The following FBXL7 variants were observed in gnomAD, a reference collection of about 807,000 sequenced individuals.
The protein encoded by FBXL7 is F-box/LRR-repeat protein 7.
FBXL7 carries 12 observed loss-of-function variants against 38.3 expected under a neutral mutation model. That is an observed-to-expected ratio of 0.31 (90% CI 0.20 to 0.51). The LOEUF is 0.51. Among genes scored for constraint, FBXL7 ranks in the 20% least tolerant of loss-of-function variants. The pLI is 0.98. For missense variants in FBXL7, 567 were observed against 676.4 expected, an observed-to-expected ratio of 0.84 and a Z score of 1.79; for synonymous variants, 297 against 300.9, an observed-to-expected ratio of 0.99 and a Z score of 0.13.
intron 2 of FBXL7, among the ~76,000 whole-genome samples, chr5:15,716,047 T>G (rs993644272): frequency 6.6e-6 from 1 of 152,234 alleles, no homozygotes; most frequent in African/African-American, 2.4e-5. Context: ...TAAAGCTGTG[T>G]CAGTGTTTTT....
At chr5:15,881,208 C>T (rs192641266) in intron 2 of FBXL7, among the ~76,000 whole-genome samples, 7 of 152,172 alleles carry the variant, frequency 4.6e-5, no homozygotes, top group African/African-American at 1.2e-4. Context: ...CTCCAAAGTT[C>T]ATTGTATCAT....
At chr5:15,539,734 C>T (rs1401746746) in intron 1 of FBXL7, among the ~76,000 whole-genome samples, 4 of 151,110 alleles carry the variant, frequency 2.6e-5, no homozygotes, top group African/African-American at 4.9e-5. Flanking sequence ...CTTTTTTTTT[C>T]CCCCTAATTA....
At chr5:15,562,650 A>G (rs1024657793) in intron 1 of FBXL7, among the ~76,000 whole-genome samples, 3 of 151,102 alleles carry the variant, frequency 2.0e-5, no homozygotes, top group South Asian at 2.1e-4. Flanking sequence ...TTCCCTCCCT[A>G]TATCTCTCTC....
intron 2 of FBXL7, among the ~76,000 whole-genome samples, chr5:15,700,373 C>T (rs1743484007): frequency 2.0e-5 from 3 of 152,166 alleles, no homozygotes; most frequent in South Asian, 4.1e-4. Flanking sequence ...ATAATACGTA[C>T]GTTGTTAATC....
chr5:15,869,333 T>G (rs546916967), intron 2 of FBXL7, among the ~76,000 whole-genome samples: 27 of 152,272 alleles, frequency 1.8e-4, no homozygotes, highest in Admixed American at 7.2e-4. Context: ...TGTCAGAAGC[T>G]GCCTACCACA....
At chr5:15,817,029 G>T (rs1218180711) in intron 2 of FBXL7, among the ~76,000 whole-genome samples, 1 of 152,188 alleles carries the variant, frequency 6.6e-6, no homozygotes, top group Non-Finnish European at 1.5e-5. Context: ...TGAGGGAATG[G>T]TAAGTTTGTG....
chr5:15,919,719 ATTGT>A (rs898310264), intron 2 of FBXL7, among the ~76,000 whole-genome samples: 1 of 152,198 alleles, frequency 6.6e-6, no homozygotes, highest in African/African-American at 2.4e-5. Context: ...CACTAAGAAT[ATTGT>A]TTAATTCAAA....
intron 2 of FBXL7, among the ~76,000 whole-genome samples, chr5:15,814,309 C>T (rs1046391701): frequency 5.9e-5 from 9 of 152,050 alleles, no homozygotes; most frequent in Admixed American, 3.9e-4. Context: ...CCATCATTCT[C>T]GGCAAACTGA....
intron 1 of FBXL7, among the ~76,000 whole-genome samples, chr5:15,601,078 C>CTGAA (rs1348804254): frequency 6.6e-6 from 1 of 152,160 alleles, no homozygotes; most frequent in Non-Finnish European, 1.5e-5. Context: ...ACATGGGATG[C>CTGAA]TGAATGAATG....
chr5:15,501,345 G>C, intron 1 of FBXL7: 1 of 865,144 alleles, frequency 1.2e-6, no homozygotes, highest in African/African-American at 1.8e-5. Flanking sequence ...GAACTTGGAA[G>C]TTAGGGAAAC....
intron 1 of FBXL7, among the ~76,000 whole-genome samples, chr5:15,541,424 A>C (rs952532627): frequency 1.8e-5 from 2 of 111,744 alleles, no homozygotes; most frequent in Non-Finnish European, 3.5e-5. Flanking sequence ...ATATACATAT[A>C]GTATATATGT....
At chr5:15,688,573 G>A (rs770110592) in intron 2 of FBXL7, among the ~76,000 whole-genome samples, 1 of 152,096 alleles carries the variant, frequency 6.6e-6, no homozygotes, top group Non-Finnish European at 1.5e-5. Flanking sequence ...CCACTCCATG[G>A]TCGCCTCCAG....
chr5:15,566,030 C>T (rs1262238953), intron 1 of FBXL7, among the ~76,000 whole-genome samples: 3 of 151,884 alleles, frequency 2.0e-5, no homozygotes, highest in African/African-American at 7.3e-5. Flanking sequence ...GTAAAACTTT[C>T]CTTTTTTTTT....
chr5:15,582,793 C>A (rs1432370412), intron 1 of FBXL7, among the ~76,000 whole-genome samples: 1 of 152,146 alleles, frequency 6.6e-6, no homozygotes, highest in Non-Finnish European at 1.5e-5. Flanking sequence ...GTGCTTGAGC[C>A]CCCTCACCCT....
At position 15,847,858 on chromosome 5, in the gene FBXL7, G is replaced by C. The variant is rs12522593; in HGVS notation, c.128-80032G>C. Among the ~76,000 whole-genome samples the C allele has an allele frequency of 8.6e-4, 131 of 152,024 alleles. 1 individual carries two copies. Among genetic ancestry groups the C allele is most frequent in the African/African-American group, 3.1e-3 (128 of 41,440 alleles). On this transcript the variant is annotated intron_variant, in intron 2 of 3. Coordinates refer to ENST00000504595, the MANE Select transcript of FBXL7 (RefSeq NM_012304.5). ...AGCCTCTTGGAGCAGAGAGCCACCC[G>C]CAGTGGGCAGACAGCAAGAAAACAG...
chr5:15,777,421 C>CTTAGTGT (rs1225672212), intron 2 of FBXL7, among the ~76,000 whole-genome samples: 5 of 151,982 alleles, frequency 3.3e-5, no homozygotes, highest in Non-Finnish European at 4.4e-5. Context: ...CTATCATCTA[C>CTTAGTGT]CTGTGTCTTT....
intron 2 of FBXL7, among the ~76,000 whole-genome samples, chr5:15,886,393 T>G (rs1445632049): frequency 6.6e-6 from 1 of 152,156 alleles, no homozygotes; most frequent in Non-Finnish European, 1.5e-5. Flanking sequence ...TACCTTGCTC[T>G]TTTCTCACTA....
In FBXL7 at chr5:15,795,445, G is replaced by T. The variant is rs527455642; in HGVS notation, c.128-132445G>T. 2.0e-5 allele frequency among the ~76,000 whole-genome samples: 3 copies of T among 152,304 alleles called. No homozygotes were observed. The East Asian group carries it at 5.8e-4, about 29-fold the overall frequency. On this transcript the variant is annotated intron_variant, in intron 2 of 3. Transcript: ENST00000504595. ...TCAATTCTGGAAGCCTAATGTAATT[G>T]TCAGAAGCTGATGCAGTTTCTAGGT...
chr5:15,630,036 A>G (rs908462697), intron 2 of FBXL7, among the ~76,000 whole-genome samples: 1 of 152,188 alleles, frequency 6.6e-6, no homozygotes, highest in African/African-American at 2.4e-5. Flanking sequence ...TAAGCAGAAT[A>G]GATACTTTGA....
Sources: allele counts gnomAD v4.1 joint callset (sites outside exome capture counted in the v4.1 genomes callset), GRCh38; gene constraint gnomAD v4.1.1; transcripts MANE v1.5; gene names NCBI Gene and HGNC (gene_info 2026-07-23, HGNC 2026-07-21).